The following GFI1B variants were observed in gnomAD, a reference collection of about 807,000 sequenced individuals.
The protein encoded by GFI1B is zinc finger protein Gfi-1b.
GFI1B carries 20 observed loss-of-function variants against 35.3 expected under a neutral mutation model. The ratio of observed to expected loss-of-function variants is 0.57; its 90% confidence interval spans 0.40 to 0.82. The LOEUF (loss-of-function observed/expected upper bound fraction) is 0.82, where lower values mean the gene tolerates loss of function less well. Among genes scored for constraint, GFI1B ranks in the 40% least tolerant of loss-of-function variants. GFI1B has a pLI of 0.00. For missense variants in GFI1B, 430 were observed against 446.3 expected, an observed-to-expected ratio of 0.96 and a Z score of 0.33; for synonymous variants, 178 against 177.6, an observed-to-expected ratio of 1.00 and a Z score of -0.02.
intron 1 of GFI1B, among the ~76,000 whole-genome samples, chr9:132,961,963 A>T (rs1848371711): frequency 6.6e-6 from 1 of 151,710 alleles, no homozygotes; most frequent in Admixed American, 6.6e-5. Context: ...TGGGAGTGGG[A>T]GGACAGGACT....
chr9:132,986,819 G>A (rs776539618), intron 2 of GFI1B, 41 bp downstream of exon 2: 2 of 1,247,980 alleles, frequency 1.6e-6, no homozygotes, highest in Non-Finnish European at 1.2e-6. Flanking sequence ...CACCCACGGG[G>A]GGCTCTCTGC....
downstream of GFI1B, among the ~76,000 whole-genome samples, chr9:132,992,128 C>T (rs192096133): frequency 2.1e-3 from 323 of 152,252 alleles, 6 homozygotes; most frequent in South Asian, 0.033. Flanking sequence ...TTCCCAAGGC[C>T]GTCTGTGCCT....
At chr9:132,981,838 C>T (rs571218359) in intron 1 of GFI1B, among the ~76,000 whole-genome samples, 8 of 152,188 alleles carry the variant, frequency 5.3e-5, no homozygotes, top group South Asian at 4.2e-4. Flanking sequence ...CCGCAACCTC[C>T]GCCTTCTGGG....
intron 1 of GFI1B, among the ~76,000 whole-genome samples, chr9:132,948,612 C>T (rs1848155904): frequency 1.3e-5 from 2 of 152,256 alleles, no homozygotes; most frequent in African/African-American, 4.8e-5. Context: ...GCCTCCTGGC[C>T]AGGTGCCCTG....
chr9:132,957,321 T>G (rs1230045408), intron 1 of GFI1B, among the ~76,000 whole-genome samples: 1 of 152,246 alleles, frequency 6.6e-6, no homozygotes, highest in Non-Finnish European at 1.5e-5. Context: ...ACTCTTCTGT[T>G]CATACATCTA....
chr9:132,955,147 A>G (rs1848263900), intron 1 of GFI1B, among the ~76,000 whole-genome samples: 2 of 152,184 alleles, frequency 1.3e-5, no homozygotes, highest in Non-Finnish European at 1.5e-5. Flanking sequence ...CCTTCTACTT[A>G]AAGAACTTCC....
At chr9:132,963,179 T>A (rs1278272599) in intron 1 of GFI1B, among the ~76,000 whole-genome samples, 2 of 151,910 alleles carry the variant, frequency 1.3e-5, no homozygotes, top group Non-Finnish European at 2.9e-5. Flanking sequence ...ATGGGAACTT[T>A]CATTTCAAAA....
At chr9:132,952,455 A>T (rs1159052351) in intron 1 of GFI1B, 2 of 152,006 alleles carry the variant, frequency 1.3e-5, no homozygotes, top group African/African-American at 2.4e-5. Context: ...AGCTGAGACT[A>T]TAGACATGCC....
At chr9:132,970,645 G>A (rs1295804142) in intron 1 of GFI1B, among the ~76,000 whole-genome samples, 1 of 152,138 alleles carries the variant, frequency 6.6e-6, no homozygotes, top group Non-Finnish European at 1.5e-5. Context: ...CCTGGGGGTT[G>A]GTTCTTGGTT....
chr9:132,992,898 G>T (rs957211134), downstream of GFI1B, among the ~76,000 whole-genome samples: 1 of 152,058 alleles, frequency 6.6e-6, no homozygotes, highest in Non-Finnish European at 1.5e-5. Flanking sequence ...CTAAGCCAAG[G>T]GTTTCCATAC....
At chr9:132,971,430 C>T (rs1848530679) in intron 1 of GFI1B, among the ~76,000 whole-genome samples, 1 of 152,198 alleles carries the variant, frequency 6.6e-6, no homozygotes, top group South Asian at 2.1e-4. Context: ...CACCTGAATA[C>T]TGCCCTTCCC....
chr9:132,984,340 G>C (rs1848944894), intron 1 of GFI1B, among the ~76,000 whole-genome samples: 1 of 152,148 alleles, frequency 6.6e-6, no homozygotes, highest in Non-Finnish European at 1.5e-5. Flanking sequence ...GGTGAGGGAG[G>C]GGGAGGAGGC....
chr9:132,967,471 G>A (rs549922009), intron 1 of GFI1B, among the ~76,000 whole-genome samples: 141 of 152,258 alleles, frequency 9.3e-4, no homozygotes, highest in African/African-American at 3.1e-3. Context: ...CCATCATAAA[G>A]GAAGCTAAAG....
Position 132,989,126 on chromosome 9 carries a change from C to T in GFI1B, c.576C>T (p.Phe192=), listed in dbSNP as rs150813342. 6.1e-3 allele frequency: 9,913 copies of T among 1,613,890 alleles called. 36 individuals carry two copies. The highest frequency in any genetic ancestry group is 7.7e-3 in the Non-Finnish European group (9,124 of 1,179,770). ...VRRSHSGTRP[F]ACDICGKTFG... ...GCTCCCATAGTGGGACCCGGCCCTT[C>T]GCCTGTGACATCTGCGGCAAAACCT... Residue 192 remains phenylalanine (F), a synonymous_variant, in exon 5 of 7, where the codon TTC becomes TTT. Coordinates refer to ENST00000372122, the MANE Select transcript of GFI1B (RefSeq NM_001377304.1). The surrounding 1 kb of genome is among the most constrained non-coding windows in gnomAD (Gnocchi z 6.2).
At chr9:132,979,715 A>G (rs1270291689) in intron 1 of GFI1B, among the ~76,000 whole-genome samples, 1 of 152,004 alleles carries the variant, frequency 6.6e-6, no homozygotes. Flanking sequence ...CTTTCCACCT[A>G]TTTTTGGAGA....
chr9:132,989,512 A>T lies in GFI1B; in HGVS notation c.649-230A>T, dbSNP rs184395099. ...TCAGTCCATCAGTCAATCAACGAAC[A>T]TTTATTGAGGTTTATTTTGAGCGGG... On this transcript the variant is annotated intron_variant, in intron 5 of 6. Coordinates refer to ENST00000372122, the MANE Select transcript of GFI1B (RefSeq NM_001377304.1). This position sits in a 1 kb window ranked among gnomAD's most constrained non-coding sequence, Gnocchi z 6.2. 1.0e-3 allele frequency: 615 copies of T among 602,376 alleles called. 3 individuals are homozygous for T. The African/African-American group carries it at 0.01, about 10-fold the overall frequency. 37.3% of individuals were successfully genotyped at this position (602,376 alleles called of 1,614,324 possible).
chr9:132,993,106 C>T (rs1849329759), downstream of GFI1B, among the ~76,000 whole-genome samples: 1 of 152,122 alleles, frequency 6.6e-6, no homozygotes. Flanking sequence ...CCAGCCTGGC[C>T]AACATGGTGA....
chr9:132,991,935 G>A (rs1204144650), downstream of GFI1B, among the ~76,000 whole-genome samples: 3 of 152,086 alleles, frequency 2.0e-5, no homozygotes, highest in East Asian at 3.9e-4. Flanking sequence ...GGCGGTATCC[G>A]TTTCCTGTGG....
At chr9:132,961,213 G>GACCGA (rs1222650214) in intron 1 of GFI1B, among the ~76,000 whole-genome samples, 1 of 152,064 alleles carries the variant, frequency 6.6e-6, no homozygotes, top group African/African-American at 2.4e-5. Flanking sequence ...AACAATAGAA[G>GACCGA]ACCGATAAGT....
Sources: allele counts gnomAD v4.1 joint callset (sites outside exome capture counted in the v4.1 genomes callset), GRCh38; gene constraint gnomAD v4.1.1; non-coding constraint Gnocchi (gnomAD v3.1); transcripts MANE v1.5; gene names NCBI Gene and HGNC (gene_info 2026-07-23, HGNC 2026-07-21).